PALM2AKAP2: variants seen among roughly 807,000 people sequenced by gnomAD.
PALM2AKAP2 encodes the protein PALM2 and AKAP2 fusion.
A neutral mutation model predicts 71.5 loss-of-function variants in PALM2AKAP2; 37 were observed. The ratio of observed to expected loss-of-function variants is 0.52; its 90% confidence interval spans 0.40 to 0.68. The LOEUF (loss-of-function observed/expected upper bound fraction) is 0.68, where lower values mean the gene tolerates loss of function less well. Among genes scored for constraint, PALM2AKAP2 ranks in the 30% least tolerant of loss-of-function variants. PALM2AKAP2 has a pLI of 0.00. For missense variants in PALM2AKAP2, 1,224 were observed against 1,191.8 expected (o/e 1.03, Z -0.40); for synonymous variants, 468 against 478.8 (o/e 0.98, Z 0.29).
rs186535974 is a variant in PALM2AKAP2 at position 109,878,320 on chromosome 9, A to G, written c.127-2231A>G. Among the ~76,000 whole-genome samples, 445 of 152,348 alleles carry G rather than the reference A, an allele frequency of 2.9e-3. 2 individuals are homozygous for G. The highest frequency in any genetic ancestry group is 5.1e-3 in the Non-Finnish European group (344 of 68,030). ...ACAGGCAGCATGTCACCAGTGATGC[A>G]TAGCTGTTTACGCATATTGAGGTGT... On this transcript the variant is annotated intron_variant, in intron 2 of 9. Transcript: ENST00000302798.
chr9:109,659,563 G>T (rs1827359245), intron 1 of PALM2AKAP2, among the ~76,000 whole-genome samples: 1 of 152,012 alleles, frequency 6.6e-6, no homozygotes, highest in African/African-American at 2.4e-5. Context: ...ATGTTTTCAA[G>T]GTCCTTCTAC....
intron 1 of PALM2AKAP2, among the ~76,000 whole-genome samples, chr9:109,668,996 A>G (rs976052385): frequency 2.0e-5 from 3 of 152,248 alleles, no homozygotes; most frequent in Non-Finnish European, 4.4e-5. Context: ...GTGGAAAAGT[A>G]TAAACCAGAG....
chr9:109,909,676 G>A (rs996546745), intron 3 of PALM2AKAP2, among the ~76,000 whole-genome samples: 5 of 152,210 alleles, frequency 3.3e-5, no homozygotes, highest in Non-Finnish European at 7.3e-5. Context: ...AGATATGGCA[G>A]CAAAGAAGAA....
At chr9:109,817,607 C>T (rs566176783) in intron 1 of PALM2AKAP2, among the ~76,000 whole-genome samples, 8 of 152,266 alleles carry the variant, frequency 5.3e-5, no homozygotes, top group Non-Finnish European at 1.0e-4. Context: ...GGTTGAAAAA[C>T]GAAATTCAGA....
chr9:110,098,284 C>T (rs562889279), intron 1 of PALM2AKAP2, among the ~76,000 whole-genome samples: 40 of 152,080 alleles, frequency 2.6e-4, no homozygotes, highest in Admixed American at 5.9e-4. Flanking sequence ...ATAATAGTAC[C>T]AGTTTCATAG....
intron 1 of PALM2AKAP2, among the ~76,000 whole-genome samples, chr9:109,677,294 C>G (rs1827660333): frequency 6.6e-6 from 1 of 152,140 alleles, no homozygotes; most frequent in African/African-American, 2.4e-5. Context: ...TTTTTGGATC[C>G]TTGAGTTCTC....
At chr9:110,113,261 A>G (rs1355666499) in intron 1 of PALM2AKAP2, among the ~76,000 whole-genome samples, 4 of 124,294 alleles carry the variant, frequency 3.2e-5, no homozygotes, top group Non-Finnish European at 5.0e-5. Flanking sequence ...TTTTTTTGAG[A>G]TGGAATCTCA....
intron 6 of PALM2AKAP2, chr9:109,946,751 A>G (rs1168354134): frequency 6.7e-6 from 1 of 149,564 alleles, no homozygotes; most frequent in African/African-American, 2.4e-5. Context: ...AAGAGGAGGA[A>G]AAAAAAAAGG....
chr9:110,014,798 AAAAAAAT>A (rs1832942925), intron 6 of PALM2AKAP2, among the ~76,000 whole-genome samples: 2 of 57,158 alleles, frequency 3.5e-5, no homozygotes, highest in Admixed American at 2.5e-4. Flanking sequence ...AAAAAAAAAA[AAAAAAAT>A]GTATATATAT....
chr9:110,110,037 A>G (rs1835210455), intron 1 of PALM2AKAP2, among the ~76,000 whole-genome samples: 1 of 152,192 alleles, frequency 6.6e-6, no homozygotes, highest in South Asian at 2.1e-4. Flanking sequence ...CATGGTGACT[A>G]TAGTTAATAA....
intron 2 of PALM2AKAP2, among the ~76,000 whole-genome samples, chr9:110,139,930 A>G (rs966395536): frequency 6.6e-5 from 10 of 152,214 alleles, no homozygotes; most frequent in African/African-American, 2.4e-4. Flanking sequence ...ACTGTATCCA[A>G]ACAGGTAGCA....
chr9:109,723,032 C>A (rs771098672), intron 1 of PALM2AKAP2, among the ~76,000 whole-genome samples: 2 of 152,184 alleles, frequency 1.3e-5, no homozygotes, highest in African/African-American at 2.4e-5. Context: ...CCGCAAAAAG[C>A]ACTGTGCCTG....
chr9:109,739,506 G>C (rs1828687314), intron 1 of PALM2AKAP2, among the ~76,000 whole-genome samples: 1 of 152,120 alleles, frequency 6.6e-6, no homozygotes, highest in African/African-American at 2.4e-5. Context: ...AGTTAGAAAG[G>C]GATCTTAGAG....
chr9:109,743,030 A>G (rs976058580), intron 1 of PALM2AKAP2, among the ~76,000 whole-genome samples: 6 of 152,146 alleles, frequency 3.9e-5, no homozygotes, highest in Admixed American at 1.3e-4. Flanking sequence ...CCCTTGGTCT[A>G]TTCCAGCCAG....
At chr9:110,136,603 T>C (rs777399764) in exon 2 of PALM2AKAP2, 2 of 1,613,956 alleles carry the variant, frequency 1.2e-6, no homozygotes, top group Non-Finnish European at 1.7e-6. Flanking sequence ...ATAGCAGCCC[T>C]GACCCCATGG....
intron 1 of PALM2AKAP2, among the ~76,000 whole-genome samples, chr9:109,832,853 CG>C (rs1828342660): frequency 6.6e-6 from 1 of 152,150 alleles, no homozygotes; most frequent in Non-Finnish European, 1.5e-5. Context: ...GAGAGGCCAG[CG>C]GGGCAGTGGA....
chr9:109,645,932 T>C (rs921554080), intron 1 of PALM2AKAP2, among the ~76,000 whole-genome samples: 1 of 151,998 alleles, frequency 6.6e-6, no homozygotes, highest in African/African-American at 2.4e-5. Context: ...AAGGTCTATC[T>C]TGGAAAAGAA....
intron 1 of PALM2AKAP2, among the ~76,000 whole-genome samples, chr9:110,112,298 TG>T (rs1412611321): frequency 6.6e-6 from 1 of 152,082 alleles, no homozygotes; most frequent in Non-Finnish European, 1.5e-5. Context: ...TTCTTTATAG[TG>T]GGCTTTGGAG....
At chr9:109,693,817 C>A (rs1449602631) in intron 1 of PALM2AKAP2, among the ~76,000 whole-genome samples, 1 of 151,978 alleles carries the variant, frequency 6.6e-6, no homozygotes, top group Non-Finnish European at 1.5e-5. Flanking sequence ...AGTCCTTAAA[C>A]TTATTGATAC....
Sources: allele counts gnomAD v4.1 joint callset (sites outside exome capture counted in the v4.1 genomes callset), GRCh38; gene constraint gnomAD v4.1.1; transcripts MANE v1.5; gene names NCBI Gene and HGNC (gene_info 2026-07-23, HGNC 2026-07-21).